TESK2: variants seen among roughly 807,000 people sequenced by gnomAD.
The protein encoded by TESK2 is dual specificity testis-specific protein kinase 2.
A neutral mutation model predicts 57.1 loss-of-function variants in TESK2; 39 were observed. The ratio of observed to expected loss-of-function variants is 0.68; its 90% CI spans 0.53 to 0.89. TESK2 has a LOEUF of 0.89. Among genes scored for constraint, TESK2 ranks in the 40% least tolerant of loss-of-function variants. The pLI, the probability that TESK2 is intolerant of heterozygous loss-of-function variation, is 0.00. For synonymous variants in TESK2, 249 were observed against 267.9 expected, an observed-to-expected ratio of 0.93 and a Z score of 0.69; for missense variants, 646 against 732.1, an observed-to-expected ratio of 0.88 and a Z score of 1.36.
intron 7 of TESK2, 40 bp downstream of exon 7, chr1:45,347,568 AG>A: frequency 6.3e-7 from 1 of 1,574,854 alleles, no homozygotes; most frequent in Non-Finnish European, 8.7e-7. Context: ...AAAAAGAAAA[AG>A]AAAAAAGGAG....
At chr1:45,405,751 G>A (rs1239447098) in intron 3 of TESK2, among the ~76,000 whole-genome samples, 1 of 151,572 alleles carries the variant, frequency 6.6e-6, no homozygotes, top group African/African-American at 2.4e-5. Context: ...TATACGTGTA[G>A]TCCCTGCTAC....
At chr1:45,346,421 G>A (rs1157366035) in intron 9 of TESK2, among the ~76,000 whole-genome samples, 5 of 152,134 alleles carry the variant, frequency 3.3e-5, no homozygotes, top group Admixed American at 6.5e-5. Context: ...CAATAAAACC[G>A]GACCAGAGTT....
At chr1:45,458,645 T>G (rs1652211539) in intron 1 of TESK2, among the ~76,000 whole-genome samples, 1 of 151,980 alleles carries the variant, frequency 6.6e-6, no homozygotes, top group Non-Finnish European at 1.5e-5. Context: ...ATACCCTTTA[T>G]AGCCTCATAT....
rs529005654 is a variant in TESK2 at position 45,470,323 on chromosome 1, C to T, written c.-86-12452G>A. ...GGCAAATCTACATGACAAGTCTGCT[C>T]AGCTGTTATTCTTTCTATGGACCAA... On this transcript the variant is annotated intron_variant, in intron 1 of 10. Transcript: ENST00000372086. 4.1e-3 allele frequency among the ~76,000 whole-genome samples: 630 copies of T among 152,286 alleles called. 1 individual carries two copies. The highest frequency in any genetic ancestry group is 7.4e-3 in the Non-Finnish European group (506 of 68,034).
intron 7 of TESK2, 32 bp downstream of exon 7, chr1:45,347,568 AGAAAAAAGG>A (rs1647164259): frequency 6.4e-7 from 1 of 1,574,736 alleles, no homozygotes; most frequent in African/African-American, 1.4e-5. Flanking sequence ...AAAAAGAAAA[AGAAAAAAGG>A]AGAATCAGGC....
chr1:45,356,074 G>C (rs182403826), intron 4 of TESK2, among the ~76,000 whole-genome samples: 73 of 152,204 alleles, frequency 4.8e-4, no homozygotes, highest in South Asian at 2.9e-3. Flanking sequence ...AGATGGATTA[G>C]AGTGAAAAAT....
At chr1:45,468,531 G>A (rs1477291398) in intron 1 of TESK2, among the ~76,000 whole-genome samples, 11 of 152,168 alleles carry the variant, frequency 7.2e-5, no homozygotes, top group Admixed American at 7.2e-4. Flanking sequence ...TTTATAAAAT[G>A]TGGGAATGAT....
At position 45,403,233 on chromosome 1, in the gene TESK2, G is replaced by GAA. The variant is rs11424640; in HGVS notation, c.345-17275_345-17274dup. Among the ~76,000 whole-genome samples, 555 of 128,128 alleles carry GAA rather than the reference G, an allele frequency of 4.3e-3. 6 individuals are homozygous for GAA. The highest frequency in any genetic ancestry group is 9.6e-3 in the African/African-American group (332 of 34,624). 84.1% of individuals were successfully genotyped at this position (128,128 alleles called of 152,430 possible). On this transcript the variant is annotated intron_variant, in intron 3 of 10. Coordinates refer to ENST00000372086, the MANE Select transcript of TESK2 (RefSeq NM_007170.3). ...TTGAGACTACAGTGAGCCGTGATGG[G>GAA]AAAAAAAAAAAAAAAGAAAGAAAGA...
In TESK2 at chr1:45,474,242, C is replaced by T. The variant is rs926099298; in HGVS notation, c.-86-16371G>A. On this transcript the variant is annotated intron_variant, in intron 1 of 10. Coordinates refer to ENST00000372086, the MANE Select transcript of TESK2 (RefSeq NM_007170.3). ...GTCCCAGCTACTCAGGAGGCTGAGG[C>T]ATGAGAATCACTTGAACCCAGGAGG... Among the ~76,000 whole-genome samples, 4 of 151,962 alleles carry T rather than the reference C, an allele frequency of 2.6e-5. No individual in the cohort carries two copies. In the East Asian group the frequency reaches 7.8e-4, roughly 30 times the overall value.
intron 4 of TESK2, among the ~76,000 whole-genome samples, chr1:45,376,213 CTTTTT>C (rs71052869): frequency 1.4e-4 from 11 of 80,676 alleles, no homozygotes; most frequent in Admixed American, 3.1e-4. Flanking sequence ...CTTTCTCTCT[CTTTTT>C]TTTTTTTTTT....
intron 4 of TESK2, among the ~76,000 whole-genome samples, chr1:45,379,953 T>A (rs1349918227): frequency 1.3e-5 from 2 of 151,978 alleles, no homozygotes; most frequent in African/African-American, 2.4e-5. Flanking sequence ...GGCTAGAGTG[T>A]AGTGGCATGA....
At chr1:45,429,089 G>C (rs1456779746) in intron 2 of TESK2, among the ~76,000 whole-genome samples, 1 of 152,076 alleles carries the variant, frequency 6.6e-6, no homozygotes, top group Admixed American at 6.5e-5. Context: ...CCAAAATGCT[G>C]GGATTACAGG....
intron 1 of TESK2, among the ~76,000 whole-genome samples, chr1:45,465,651 T>C (rs1258589761): frequency 6.6e-6 from 1 of 152,172 alleles, no homozygotes; most frequent in African/African-American, 2.4e-5. Context: ...ACAGCACTTT[T>C]CAAGAGGGGT....
chr1:45,402,841 TG>T (rs1649683308), intron 3 of TESK2, among the ~76,000 whole-genome samples: 1 of 152,214 alleles, frequency 6.6e-6, no homozygotes, highest in African/African-American at 2.4e-5. Context: ...CTCATAATTT[TG>T]GAAGAAAGGG....
chr1:45,437,065 G>C (rs1337744190), intron 2 of TESK2, among the ~76,000 whole-genome samples: 1 of 152,198 alleles, frequency 6.6e-6, no homozygotes, highest in African/African-American at 2.4e-5. Context: ...AAAGTGCTGG[G>C]ATTACAGGAG....
rs368071598 is a variant in TESK2 at position 45,415,937 on chromosome 1, AT to A, written c.344+5787del. The stretch of plus-strand genomic sequence containing the variant: ...ATAAACTTTCTTAAAACACTATGAG[AT>A]TTTTTTTTTGCAATTGTTTGTTTTA... On this transcript the variant is annotated intron_variant, in intron 3 of 10. Transcript: ENST00000372086. Among the ~76,000 whole-genome samples, 827 of 149,044 alleles carry A rather than the reference AT, an allele frequency of 5.5e-3. 9 individuals are homozygous for A. The highest frequency in any genetic ancestry group is 0.019 in the African/African-American group (772 of 40,666).
At chr1:45,422,111 A>G (rs545880992) in intron 2 of TESK2, among the ~76,000 whole-genome samples, 1 of 152,334 alleles carries the variant, frequency 6.6e-6, no homozygotes, top group Admixed American at 6.5e-5. Context: ...AATACTATGC[A>G]GTCATAAAAA....
At position 45,344,812 on chromosome 1, in the gene TESK2, C is replaced by T. The variant is rs1041680370; in HGVS notation, c.*28G>A. The T allele has an allele frequency of 6.3e-7, 1 of 1,585,868 alleles. No homozygotes were observed. The highest frequency in any genetic ancestry group is 8.6e-7 in the Non-Finnish European group (1 of 1,162,678). ...ATATGGTTTCAGCTGAAGGTCCATC[C>T]CCAAGGTGAGGCAGGGACTAAACCC... On this transcript the variant is annotated 3_prime_UTR_variant, in exon 11 of 11. Transcript: ENST00000372086.
intron 5 of TESK2, among the ~76,000 whole-genome samples, chr1:45,352,114 CG>C (rs1291819057): frequency 1.9e-4 from 29 of 152,160 alleles, no homozygotes; most frequent in African/African-American, 7.0e-4. Flanking sequence ...TGAACACAGA[CG>C]GTATCTCAAA....
Sources: allele counts gnomAD v4.1 joint callset (sites outside exome capture counted in the v4.1 genomes callset), GRCh38; gene constraint gnomAD v4.1.1; transcripts MANE v1.5; gene names NCBI Gene and HGNC (gene_info 2026-07-23, HGNC 2026-07-21).